The following EYS variants were observed in gnomAD, a reference collection of about 807,000 sequenced individuals.
EYS encodes protein eyes shut homolog.
EYS carries 250 observed loss-of-function variants against 282.1 expected under a neutral mutation model. That is an observed-to-expected ratio of 0.89 (90% CI 0.80 to 0.98). EYS has a LOEUF of 0.98. EYS is among the 50% of genes least tolerant of loss of function. The pLI is 0.00. For missense variants in EYS, 4,016 were observed against 3,709.0 expected, an observed-to-expected ratio of 1.08 and a Z score of -2.15; for synonymous variants, 1,355 against 1,282.9, an observed-to-expected ratio of 1.06 and a Z score of -1.20.
intron 28 of EYS, among the ~76,000 whole-genome samples, chr6:64,398,337 A>G (rs1348892651): frequency 6.6e-6 from 1 of 151,938 alleles, no homozygotes; most frequent in African/African-American, 2.4e-5. Flanking sequence ...AGATGGAAGG[A>G]GATGGATTAA....
intron 26 of EYS, among the ~76,000 whole-genome samples, chr6:64,542,275 T>C (rs1292577424): frequency 1.3e-5 from 2 of 152,162 alleles, no homozygotes; most frequent in Non-Finnish European, 1.5e-5. Flanking sequence ...TCAAGTAATC[T>C]ATGTAAACAT....
At chr6:64,944,424 A>G (rs1466006080) in intron 15 of EYS, among the ~76,000 whole-genome samples, 1 of 152,164 alleles carries the variant, frequency 6.6e-6, no homozygotes, top group Admixed American at 6.6e-5. Context: ...CAGAGTAAAC[A>G]GACAACTGAC....
intron 15 of EYS, among the ~76,000 whole-genome samples, chr6:64,921,168 T>G (rs918472508): frequency 1.3e-5 from 2 of 152,158 alleles, no homozygotes; most frequent in Non-Finnish European, 2.9e-5. Context: ...TCACACATAC[T>G]TAGTTCAGAC....
chr6:65,060,053 G>C (rs1462476551), intron 12 of EYS, among the ~76,000 whole-genome samples: 1 of 151,836 alleles, frequency 6.6e-6, no homozygotes, highest in African/African-American at 2.4e-5. Flanking sequence ...ACTGCCATGA[G>C]CTTGTATTTC....
intron 40 of EYS, among the ~76,000 whole-genome samples, chr6:63,768,680 G>C (rs938220281): frequency 1.3e-5 from 2 of 151,882 alleles, no homozygotes; most frequent in Non-Finnish European, 2.9e-5. Context: ...ATTTCTTAAA[G>C]AACTTAGAAC....
At chr6:64,043,568 G>A (rs1333107925) in intron 33 of EYS, among the ~76,000 whole-genome samples, 2 of 152,204 alleles carry the variant, frequency 1.3e-5, no homozygotes, top group African/African-American at 2.4e-5. Context: ...GTTCTGACAC[G>A]AATATGCCCA....
intron 26 of EYS, among the ~76,000 whole-genome samples, chr6:64,461,381 T>A (rs574630951): frequency 2.6e-5 from 4 of 152,220 alleles, no homozygotes; most frequent in Non-Finnish European, 4.4e-5. Context: ...GACTGATGGA[T>A]TGATTGATTG....
At chr6:64,826,304 G>T (rs1192505022) in intron 19 of EYS, among the ~76,000 whole-genome samples, 2 of 151,786 alleles carry the variant, frequency 1.3e-5, no homozygotes, top group Non-Finnish European at 2.9e-5. Context: ...CTAACATATT[G>T]TTCTTTCCAC....
chr6:64,715,875 G>C (rs533656666), intron 22 of EYS, among the ~76,000 whole-genome samples: 1 of 152,294 alleles, frequency 6.6e-6, no homozygotes, highest in Admixed American at 6.5e-5. Flanking sequence ...AGCAAGTTTT[G>C]TCACCCATTC....
intron 16 of EYS, among the ~76,000 whole-genome samples, chr6:64,907,199 A>G (rs1767856092): frequency 6.6e-6 from 1 of 152,170 alleles, no homozygotes; most frequent in Non-Finnish European, 1.5e-5. Context: ...GACTGCAGGC[A>G]TGAACCACCA....
intron 22 of EYS, among the ~76,000 whole-genome samples, chr6:64,784,210 T>C (rs913246286): frequency 6.6e-6 from 1 of 152,082 alleles, no homozygotes; most frequent in African/African-American, 2.4e-5. Context: ...TTTGTTTCTG[T>C]AAATTTGTAT....
intron 35 of EYS, among the ~76,000 whole-genome samples, chr6:63,952,249 T>C (rs1582020529): frequency 6.6e-6 from 1 of 152,212 alleles, no homozygotes; most frequent in East Asian, 1.9e-4. Context: ...CCATGTCCTA[T>C]CTGTGTGGGA....
At chr6:65,129,903 A>T (rs1775822371) in intron 12 of EYS, among the ~76,000 whole-genome samples, 1 of 152,010 alleles carries the variant, frequency 6.6e-6, no homozygotes, top group African/African-American at 2.4e-5. Context: ...CCATGAAATT[A>T]ACCCAGGGTA....
chr6:64,191,477 T>TA (rs1554217122), intron 31 of EYS, among the ~76,000 whole-genome samples: 1 of 143,488 alleles, frequency 7.0e-6, no homozygotes, highest in Non-Finnish European at 1.5e-5. Flanking sequence ...TGCTATCCCT[T>TA]CCCCCCCCAC....
At chr6:64,809,752 A>G (rs1215979240) in intron 22 of EYS, among the ~76,000 whole-genome samples, 8 of 151,838 alleles carry the variant, frequency 5.3e-5, no homozygotes, top group Admixed American at 1.3e-4. Context: ...CGTTCTCCAT[A>G]TAAGTGGGAG....
intron 39 of EYS, chr6:63,786,200 G>C (rs1448522889): frequency 2.3e-4 from 21 of 92,450 alleles, no homozygotes; most frequent in African/African-American, 8.7e-4. Context: ...GACACAGCGA[G>C]ACTCAAAAAA....
At chr6:63,863,208 C>G (rs564256414) in intron 36 of EYS, among the ~76,000 whole-genome samples, 11 of 152,142 alleles carry the variant, frequency 7.2e-5, no homozygotes, top group Non-Finnish European at 1.6e-4. Context: ...CAAGTCCAGT[C>G]CTGTGTTGAT....
intron 5 of EYS, among the ~76,000 whole-genome samples, chr6:65,438,988 G>C (rs1034993712): frequency 6.6e-6 from 1 of 152,072 alleles, no homozygotes; most frequent in Non-Finnish European, 1.5e-5. Flanking sequence ...ATGGTTTTAG[G>C]TCTAACATTT....
intron 2 of EYS, among the ~76,000 whole-genome samples, chr6:65,498,431 T>C (rs1378787656): frequency 1.3e-5 from 2 of 152,028 alleles, no homozygotes. Flanking sequence ...TATTTCCACA[T>C]GTAAATGCGA....
Sources: allele counts gnomAD v4.1 joint callset (sites outside exome capture counted in the v4.1 genomes callset), GRCh38; gene constraint gnomAD v4.1.1; transcripts MANE v1.5; gene names NCBI Gene and HGNC (gene_info 2026-07-23, HGNC 2026-07-21).